The following FLRT2 variants were observed in gnomAD, a reference collection of about 807,000 sequenced individuals.
The protein encoded by FLRT2 is fibronectin leucine rich transmembrane protein 2.
A neutral mutation model predicts 40.0 loss-of-function variants in FLRT2; 15 were observed. The ratio of observed to expected loss-of-function variants is 0.38; its 90% CI spans 0.25 to 0.58. The LOEUF (loss-of-function observed/expected upper bound fraction) is 0.58. Among genes scored for constraint, FLRT2 ranks in the 20% least tolerant of loss-of-function variants. The pLI is 0.71. For missense variants in FLRT2, 726 were observed against 840.0 expected, an observed-to-expected ratio of 0.86 and a Z score of 1.68; for synonymous variants, 380 against 336.8, an observed-to-expected ratio of 1.13 and a Z score of -1.41.
In FLRT2 at chr14:85,570,721, C is replaced by A. The variant is rs538403089; in HGVS notation, c.-377+40187C>A. On this transcript the variant is annotated intron_variant, in intron 1 of 1. Coordinates refer to ENST00000330753, the MANE Select transcript of FLRT2 (RefSeq NM_013231.6). Reference sequence around the variant, plus strand: ...CTCAGCCTCCCGAGTAGCTGGGACTCCAGGCACCCGCCACCATGCCTGGCT... The same window carrying A: ...CTCAGCCTCCCGAGTAGCTGGGACTACAGGCACCCGCCACCATGCCTGGCT... 2.4e-3 allele frequency among the ~76,000 whole-genome samples: 370 copies of A among 151,536 alleles called. 2 individuals carry two copies. Among genetic ancestry groups the A allele is most frequent in the African/African-American group, 8.5e-3 (350 of 41,340 alleles).
intron 1 of FLRT2, among the ~76,000 whole-genome samples, chr14:85,562,424 G>A (rs1330904447): frequency 6.6e-6 from 1 of 152,172 alleles, no homozygotes; most frequent in African/African-American, 2.4e-5. Context: ...CATTTTGGCT[G>A]TGAAGACCAA....
At chr14:85,554,859 C>A (rs1477938587) in intron 1 of FLRT2, among the ~76,000 whole-genome samples, 1 of 152,102 alleles carries the variant, frequency 6.6e-6, no homozygotes, top group Non-Finnish European at 1.5e-5. Context: ...CTCAAAGGTC[C>A]CTTTTCCCTG....
At chr14:85,550,440 A>G (rs1441288013) in intron 1 of FLRT2, among the ~76,000 whole-genome samples, 4 of 152,206 alleles carry the variant, frequency 2.6e-5, no homozygotes, top group Non-Finnish European at 5.9e-5. Context: ...TGTAGACCAC[A>G]TTGTGGAAAA....
At position 85,611,398 on chromosome 14, in the gene FLRT2, G is replaced by C. The variant is rs543866974; in HGVS notation, c.-376-9741G>C. 4.8e-4 allele frequency among the ~76,000 whole-genome samples: 73 copies of C among 152,228 alleles called. 1 individual carries two copies. Among genetic ancestry groups the C allele is most frequent in the African/African-American group, 1.6e-3 (68 of 41,532 alleles). ...CCTTTGCTTTTCTAGAGAGGGTTGC[G>C]GGCTAATCCAAAAGAATTGGTTTAT... On this transcript the variant is annotated intron_variant, in intron 1 of 1. Transcript: ENST00000330753.
Position 85,621,446 on chromosome 14 carries a change from T to G in FLRT2, c.-69T>G. The stretch of plus-strand genomic sequence containing the variant: ...ACAGAACCCCATCCAGTCATTTTGA[T>G]TTTGCTGTTTATTTTTTTTTTCTTT... On this transcript the variant is annotated 5_prime_UTR_variant, in exon 2 of 2. Coordinates refer to ENST00000330753, the MANE Select transcript of FLRT2 (RefSeq NM_013231.6). 1.6e-5 allele frequency: 23 copies of G among 1,405,254 alleles called. No individual in the cohort carries two copies. The highest frequency in any genetic ancestry group is 2.3e-5 in the East Asian group (1 of 43,574). The allele number at this position is 1,405,254 out of a possible 1,614,324, so 87.0% of individuals were successfully genotyped here. A position where few individuals can be genotyped will look rare whatever the true frequency, so the allele number is the denominator to read the frequency against.
intron 1 of FLRT2, among the ~76,000 whole-genome samples, chr14:85,590,749 C>G (rs1405700153): frequency 1.3e-5 from 2 of 152,132 alleles, no homozygotes; most frequent in Non-Finnish European, 2.9e-5. Context: ...AGGTGCCCAC[C>G]ACCATGCCTG....
chr14:85,565,020 G>A (rs1057202176), intron 1 of FLRT2, among the ~76,000 whole-genome samples: 2 of 152,168 alleles, frequency 1.3e-5, no homozygotes, highest in Non-Finnish European at 2.9e-5. Context: ...TATGCAATTT[G>A]TAAGATAGTA....
In FLRT2 at chr14:85,624,528, A is replaced by C. The variant is rs1163255895; in HGVS notation, c.*1031A>C. On this transcript the variant is annotated 3_prime_UTR_variant, in exon 2 of 2. Coordinates refer to ENST00000330753, the MANE Select transcript of FLRT2 (RefSeq NM_013231.6). ...TTATTTAAAAATTACCCTTCCTGCT[A>C]TTTAGACAAAAACAACTGATCAGTG... 6.0e-6 allele frequency: 1 copy of C among 167,054 alleles called. No individual in the cohort carries two copies. Among genetic ancestry groups the C allele is most frequent in the African/African-American group, 2.4e-5 (1 of 41,466 alleles). 10.3% of individuals were successfully genotyped at this position (167,054 alleles called of 1,614,324 possible).
rs560180840 is a variant in FLRT2 at position 85,623,349 on chromosome 14, T to C, written c.1835T>C (p.Leu612Ser). 16 of 1,524,150 alleles carry C rather than the reference T, an allele frequency of 1.0e-5. No individual in the cohort carries two copies. The South Asian group carries it at 1.8e-4, about 18-fold the overall frequency. 94.4% of individuals were successfully genotyped at this position (1,524,150 alleles called of 1,614,324 possible). ...GAAACCAGTTTTCAGATCGTCTCCT[T>C]AAATAACGATCAACTCCTTAAAGGA... ...MTETSFQIVS[L>S]NNDQLLKGDF... The change falls in exon 2 of 2, where the codon TTA (leucine) becomes TCA (serine). Residue 612 changes from leucine to serine, a missense_variant. This residue lies in a region of FLRT2 where 611 missense variants were observed against 690.0 expected (regional missense o/e 0.89). Transcript: ENST00000330753.
In FLRT2 at chr14:85,644,682, A is replaced by G. The variant is rs1044360610; in HGVS notation, c.*21185A>G. ...TGGATGTTTGAAGGCAACATATACT[A>G]GTTTTAGATGCGCTGCTTCGATACT... On this transcript the variant is annotated 3_prime_UTR_variant, in exon 2 of 2. Coordinates refer to ENST00000330753, the MANE Select transcript of FLRT2 (RefSeq NM_013231.6). 11 of 152,204 alleles carry G rather than the reference A, an allele frequency of 7.2e-5. No individual in the cohort carries two copies. Among genetic ancestry groups the G allele is most frequent in the African/African-American group, 2.4e-4 (10 of 41,452 alleles). 9.4% of individuals were successfully genotyped at this position (152,204 alleles called of 1,614,324 possible).
intron 1 of FLRT2, among the ~76,000 whole-genome samples, chr14:85,536,571 T>A (rs183395924): frequency 3.3e-5 from 5 of 152,178 alleles, no homozygotes; most frequent in African/African-American, 9.7e-5. Flanking sequence ...AACTTTGTGA[T>A]TTCTGCTACA....
chr14:85,533,313 G>A (rs927796535), intron 1 of FLRT2, among the ~76,000 whole-genome samples: 1 of 152,076 alleles, frequency 6.6e-6, no homozygotes, highest in African/African-American at 2.4e-5. Flanking sequence ...TGGGGGCCGC[G>A]GCGCCTACAT....
At chr14:85,546,604 T>C (rs1889293617) in intron 1 of FLRT2, among the ~76,000 whole-genome samples, 2 of 152,204 alleles carry the variant, frequency 1.3e-5, no homozygotes, top group African/African-American at 4.8e-5. Flanking sequence ...TTTAGCTGAA[T>C]TGGGTAGAAC....
intron 1 of FLRT2, among the ~76,000 whole-genome samples, chr14:85,604,478 T>A (rs1595076031): frequency 6.6e-6 from 1 of 152,136 alleles, no homozygotes; most frequent in East Asian, 1.9e-4. Context: ...TCTTTGAACA[T>A]CATAATTCAC....
At chr14:85,617,017 T>G (rs1368501248) in intron 1 of FLRT2, among the ~76,000 whole-genome samples, 4 of 152,046 alleles carry the variant, frequency 2.6e-5, no homozygotes, top group Non-Finnish European at 5.9e-5. Context: ...CTAAAGCACT[T>G]GTAAGAAGGT....
rs1052921547 is a variant in FLRT2, at chr14:85,627,969, C to T, written c.*4472C>T. 6.0e-6 allele frequency: 1 copy of T among 166,602 alleles called. No homozygotes were observed. Among genetic ancestry groups the T allele is most frequent in the Non-Finnish European group, 1.5e-5 (1 of 68,112 alleles). The allele number at this position is 166,602 out of a possible 1,614,324, so 10.3% of individuals were successfully genotyped here. ...TAAGTTCATTGGGATACAGTCAATA[C>T]TTGTGCTGTTAATGTAGAAGAAATG... On this transcript the variant is annotated 3_prime_UTR_variant, in exon 2 of 2. Transcript: ENST00000330753.
At chr14:85,544,162 C>G (rs1889140289) in intron 1 of FLRT2, among the ~76,000 whole-genome samples, 1 of 152,174 alleles carries the variant, frequency 6.6e-6, no homozygotes, top group African/African-American at 2.4e-5. Context: ...ACAACCACCA[C>G]CTTTCTGCCT....
chr14:85,598,305 C>G (rs944780004), intron 1 of FLRT2, among the ~76,000 whole-genome samples: 1 of 152,168 alleles, frequency 6.6e-6, no homozygotes, highest in African/African-American at 2.4e-5. Flanking sequence ...TTGGGACATA[C>G]AAGTCTGTCT....
chr14:85,615,606 A>G (rs1374530336), intron 1 of FLRT2, among the ~76,000 whole-genome samples: 3 of 120,034 alleles, frequency 2.5e-5, no homozygotes, highest in African/African-American at 6.9e-5. Flanking sequence ...AATGAGATAG[A>G]AAAATGGTTT....
Sources: allele counts gnomAD v4.1 joint callset (sites outside exome capture counted in the v4.1 genomes callset), GRCh38; gene constraint gnomAD v4.1.1; regional missense constraint gnomAD v4.1.1; transcripts MANE v1.5; gene names NCBI Gene and HGNC (gene_info 2026-07-23, HGNC 2026-07-21).